Variants in OTUD6B observed in about 807,000 individuals in gnomAD.
The protein encoded by OTUD6B is deubiquitinase OTUD6B.
Under a neutral mutation model 36.9 loss-of-function variants are expected in OTUD6B, and 41 were observed. The ratio of observed to expected loss-of-function variants is 1.11; its 90% CI spans 0.87 to 1.44. The LOEUF (loss-of-function observed/expected upper bound fraction) is 1.44, where lower values mean the gene tolerates loss of function less well. OTUD6B is among the 40% of genes most tolerant of loss of function. The probability of loss-of-function intolerance (pLI) is 0.00; values close to 1 mark genes in which losing one functional copy is unlikely to be tolerated. For synonymous variants in OTUD6B, 114 were observed against 114.2 expected (o/e 1.00, Z 0.01); for missense variants, 356 against 344.8 (o/e 1.03, Z -0.26).
chr8:91,078,743 T>C (rs1307175587), intron 4 of OTUD6B, 75 bp downstream of exon 4: 3 of 989,648 alleles, frequency 3.0e-6, no homozygotes, highest in East Asian at 5.4e-5. Context: ...TTCCCAGCAC[T>C]GAGCGTAAGA....
chr8:91,078,299 AATGAGAAT>A, intron 3 of OTUD6B, 49 bp from the exon 4 acceptor site: 1 of 1,473,820 alleles, frequency 6.8e-7, no homozygotes, highest in Non-Finnish European at 9.0e-7. Flanking sequence ...TCCCTTAATA[AATGAGAAT>A]TAGTCCAAAT....
At chr8:91,072,160 A>C (rs945786979) in intron 2 of OTUD6B, among the ~76,000 whole-genome samples, 6 of 152,180 alleles carry the variant, frequency 3.9e-5, no homozygotes, top group African/African-American at 1.2e-4. Context: ...ATATGTGTCA[A>C]ATACTTTGGT....
At chr8:91,080,029 A>G (rs1321169197) in intron 4 of OTUD6B, among the ~76,000 whole-genome samples, 1 of 152,126 alleles carries the variant, frequency 6.6e-6, no homozygotes, top group African/African-American at 2.4e-5. Context: ...CTGTGTAAAA[A>G]GGTGTATGCA....
intron 3 of OTUD6B, among the ~76,000 whole-genome samples, chr8:91,074,619 A>G (rs920543870): frequency 6.6e-6 from 1 of 152,140 alleles, no homozygotes; most frequent in Admixed American, 6.5e-5. Context: ...GCTAGTTCAT[A>G]TCAGCATTAT....
At chr8:91,076,941 CT>C (rs1244930519) in intron 3 of OTUD6B, among the ~76,000 whole-genome samples, 3 of 151,908 alleles carry the variant, frequency 2.0e-5, no homozygotes, top group Non-Finnish European at 4.4e-5. Context: ...TTAGAAATCA[CT>C]TTAGGTTCAT....
At position 91,077,673 on chromosome 8, in the gene OTUD6B, A is replaced by G. The variant is rs74766912; in HGVS notation, c.316-683A>G. Among the ~76,000 whole-genome samples the G allele has an allele frequency of 6.6e-3, 1,007 of 152,142 alleles. 8 individuals carry two copies. Among genetic ancestry groups the G allele is most frequent in the East Asian group, 0.017 (89 of 5,180 alleles). On this transcript the variant is annotated intron_variant, in intron 3 of 6. Transcript: ENST00000404789. ...TAAGGAAAGCAAATTGTAGAATGTA[A>G]CATATGATACCATTTTTATTAAGAA...
chr8:91,077,425 C>G (rs1812822846), intron 3 of OTUD6B, among the ~76,000 whole-genome samples: 1 of 152,006 alleles, frequency 6.6e-6, no homozygotes, highest in Non-Finnish European at 1.5e-5. Flanking sequence ...ACAGTTTTCT[C>G]TGGCACTGTA....
rs756175707 is a variant in OTUD6B, at chr8:91,084,760, ATTTCT to A, written c.798-20_798-16del. ...AAAATTGCTTTCATCAAAACTACTCATTTCTTTTTTTTTTTAATTTCAGATATATG... is the reference window on the plus strand; with the variant it reads ...AAAATTGCTTTCATCAAAACTACTCATTTTTTTTTTAATTTCAGATATATG... On this transcript the variant is annotated intron_variant, in intron 6 of 6. Coordinates refer to ENST00000404789, the MANE Select transcript of OTUD6B (RefSeq NM_016023.5). The A allele has an allele frequency of 3.2e-5, 46 of 1,450,424 alleles. No individual in the cohort carries two copies. Among genetic ancestry groups the A allele is most frequent in the South Asian group, 1.4e-4 (10 of 72,360 alleles). The allele number at this position is 1,450,424 out of a possible 1,614,324, so 89.8% of individuals were successfully genotyped here. A position where few individuals can be genotyped will look rare whatever the true frequency, so the allele number is the denominator to read the frequency against.
At chr8:91,076,610 C>T (rs1812807452) in intron 3 of OTUD6B, 2 of 1,532,244 alleles carry the variant, frequency 1.3e-6, no homozygotes, top group African/African-American at 1.4e-5. Flanking sequence ...ATAGAAGGAG[C>T]TCTCTGTGTT....
At position 91,080,731 on chromosome 8, in the gene OTUD6B, G is replaced by GTA; in HGVS notation, c.690+2_690+3dup. On this transcript the variant is annotated splice_donor_variant, in intron 5 of 6. Transcript: ENST00000404789. LOFTEE classifies it high-confidence loss of function. ...AGCTGCATGGGGAGGTCAGCTTGAG[G>GTA]TAAGTTTGTAGTTATTCATAGTGAT... The GTA allele has an allele frequency of 6.3e-7, 1 of 1,594,184 alleles. No individual in the cohort carries two copies. Among genetic ancestry groups the GTA allele is most frequent in the Non-Finnish European group, 8.6e-7 (1 of 1,168,026 alleles).
chr8:91,072,791 C>T (rs570259440), intron 2 of OTUD6B, among the ~76,000 whole-genome samples: 4 of 152,196 alleles, frequency 2.6e-5, no homozygotes, highest in Non-Finnish European at 5.9e-5. Flanking sequence ...GGTTTCTTTC[C>T]CAGGTTTCCA....
At chr8:91,070,530 C>G (rs1467896051) in intron 1 of OTUD6B, 64 bp downstream of exon 1, 3 of 1,458,186 alleles carry the variant, frequency 2.1e-6, no homozygotes, top group East Asian at 2.5e-5. Flanking sequence ...CGTGGCGGGT[C>G]GATTCTGGGG....
At chr8:91,076,456 A>C in intron 3 of OTUD6B, 1 of 1,434,670 alleles carries the variant, frequency 7.0e-7, no homozygotes, top group South Asian at 1.2e-5. Context: ...GAAGGGAAAA[A>C]AATGAAATGA....
rs1336072520 is a variant in OTUD6B, at chr8:91,086,602, A to T, written c.*1734A>T. On this transcript the variant is annotated 3_prime_UTR_variant, in exon 7 of 7. Transcript: ENST00000404789. ...GTATTATAAATGTTATCTACATCTA[A>T]AGTATTTTAAAATAACTTATTGGCA... The T allele has an allele frequency of 6.6e-6, 1 of 152,114 alleles. No individual in the cohort carries two copies. Among genetic ancestry groups the T allele is most frequent in the Non-Finnish European group, 1.5e-5 (1 of 67,982 alleles). The allele number at this position is 152,114 out of a possible 1,614,324, so 9.4% of individuals were successfully genotyped here.
At chr8:91,078,277 T>C (rs1812837224) in intron 3 of OTUD6B, 79 bp from the exon 4 acceptor site, 1 of 1,459,618 alleles carries the variant, frequency 6.9e-7, no homozygotes. Flanking sequence ...TTTGAGACCT[T>C]TACATTTCCC....
intron 3 of OTUD6B, chr8:91,076,643 T>G: frequency 2.0e-6 from 3 of 1,525,576 alleles, no homozygotes; most frequent in Non-Finnish European, 2.6e-6. Flanking sequence ...TGCTCTGCTC[T>G]TACCAGCTGT....
intron 4 of OTUD6B, among the ~76,000 whole-genome samples, chr8:91,079,701 C>G (rs543125099): frequency 6.6e-6 from 1 of 152,234 alleles, no homozygotes; most frequent in Non-Finnish European, 1.5e-5. Flanking sequence ...ATAAATGACT[C>G]TTCTGTCATT....
intron 3 of OTUD6B, chr8:91,076,730 AGGTGCTTATTCT>A: frequency 2.1e-6 from 2 of 946,502 alleles, no homozygotes; most frequent in Non-Finnish European, 3.3e-6. Context: ...ATGATATCTA[AGGTGCTTATTCT>A]TCCTTTCCCC....
intron 3 of OTUD6B, chr8:91,076,759 A>T (rs933639654): frequency 1.3e-6 from 1 of 778,648 alleles, no homozygotes; most frequent in African/African-American, 1.7e-5. Context: ...CCCCTCTGAA[A>T]CTTTTTTAGT....
Sources: gnomAD v4.1 joint callset for allele counts (sites outside exome capture counted in the v4.1 genomes callset) on GRCh38, gnomAD v4.1.1 for gene constraint, MANE v1.5 for transcripts, NCBI Gene and HGNC (gene_info 2026-07-23, HGNC 2026-07-21) for gene names.